Variants in TMEFF2 observed in about 807,000 individuals in gnomAD.
TMEFF2 encodes tomoregulin-2.
TMEFF2 carries 28 observed loss-of-function variants against 53.8 expected under a neutral mutation model. The ratio of observed to expected loss-of-function variants is 0.52; its 90% CI spans 0.39 to 0.71. The LOEUF (loss-of-function observed/expected upper bound fraction) is 0.71. Ranked by LOEUF, TMEFF2 falls within the 30% of genes least tolerant of loss-of-function variation. The pLI, the probability that TMEFF2 is intolerant of heterozygous loss-of-function variation, is 0.00. For missense variants in TMEFF2, 353 were observed against 455.2 expected (o/e 0.78, Z 2.04); for synonymous variants, 162 against 166.3 (o/e 0.97, Z 0.20).
At chr2:192,087,176 C>A (rs1384449296) in intron 4 of TMEFF2, among the ~76,000 whole-genome samples, 1 of 151,848 alleles carries the variant, frequency 6.6e-6, no homozygotes, top group Non-Finnish European at 1.5e-5. Flanking sequence ...TTTGTCTGTT[C>A]ATTCAGAAAA....
chr2:192,079,017 C>T (rs923419412), intron 4 of TMEFF2, among the ~76,000 whole-genome samples: 4 of 152,174 alleles, frequency 2.6e-5, no homozygotes, highest in Non-Finnish European at 4.4e-5. Flanking sequence ...CATCCCAGAT[C>T]TCACATTAAG....
intron 4 of TMEFF2, chr2:192,177,896 C>A (rs1691089872): frequency 6.6e-6 from 1 of 150,756 alleles, no homozygotes; most frequent in Admixed American, 6.6e-5. Context: ...TTTGCATGTG[C>A]TAATAACAAT....
intron 4 of TMEFF2, among the ~76,000 whole-genome samples, chr2:192,151,253 G>A (rs1690380655): frequency 6.6e-6 from 1 of 151,806 alleles, no homozygotes; most frequent in Admixed American, 6.6e-5. Flanking sequence ...CCTGTCTCAA[G>A]TATGTCTTTA....
chr2:192,184,339 A>G lies in TMEFF2; in HGVS notation c.412+15T>C. ...GAATCCATGCAGAAGGTTTCAAAGA[A>G]GATCACACACATACCTGTGGCACAT... On this transcript the variant is annotated intron_variant, in intron 3 of 9. Transcript: ENST00000272771. 2.5e-6 allele frequency: 4 copies of G among 1,612,400 alleles called. No homozygotes were observed. Among genetic ancestry groups the G allele is most frequent in the Non-Finnish European group, 3.4e-6 (4 of 1,178,994 alleles).
intron 7 of TMEFF2, among the ~76,000 whole-genome samples, chr2:191,996,489 T>C (rs563430468): frequency 6.6e-6 from 1 of 152,006 alleles, no homozygotes; most frequent in Non-Finnish European, 1.5e-5. Flanking sequence ...ATATATACAA[T>C]TTAAATTTGT....
At chr2:192,020,958 C>T (rs1008385842) in intron 5 of TMEFF2, among the ~76,000 whole-genome samples, 5 of 152,052 alleles carry the variant, frequency 3.3e-5, no homozygotes, top group Non-Finnish European at 5.9e-5. Context: ...AACTTTTGTT[C>T]CATTTTAAAG....
intron 4 of TMEFF2, among the ~76,000 whole-genome samples, 154 bp from the exon 5 acceptor site, chr2:192,057,929 T>A (rs1401377018): frequency 6.6e-6 from 1 of 152,232 alleles, no homozygotes; most frequent in East Asian, 1.9e-4. Flanking sequence ...TTTTTTTTCC[T>A]CCAATTTAAA....
At chr2:192,182,262 A>G (rs1266402972) in intron 3 of TMEFF2, among the ~76,000 whole-genome samples, 1 of 151,980 alleles carries the variant, frequency 6.6e-6, no homozygotes, top group Non-Finnish European at 1.5e-5. Context: ...TATACAAAGA[A>G]AAGAATGAGA....
intron 4 of TMEFF2, among the ~76,000 whole-genome samples, chr2:192,144,800 T>C (rs1257500533): frequency 2.6e-5 from 4 of 152,030 alleles, no homozygotes; most frequent in Non-Finnish European, 5.9e-5. Flanking sequence ...TGGTTTAACA[T>C]ACAAAGTTAC....
intron 5 of TMEFF2, chr2:192,029,071 T>C (rs944228744): frequency 2.0e-5 from 3 of 152,142 alleles, no homozygotes; most frequent in African/African-American, 7.2e-5. Context: ...CTATGTTGCT[T>C]CCAAGACTAG....
chr2:192,093,836 AAAG>A (rs1414103072), intron 4 of TMEFF2, among the ~76,000 whole-genome samples: 1 of 152,122 alleles, frequency 6.6e-6, no homozygotes, highest in African/African-American at 2.4e-5. Context: ...AAAAAAAGAA[AAAG>A]AAGAGGGAAA....
At chr2:192,127,289 A>C (rs1689699781) in intron 4 of TMEFF2, among the ~76,000 whole-genome samples, 1 of 152,228 alleles carries the variant, frequency 6.6e-6, no homozygotes, top group South Asian at 2.1e-4. Context: ...CAGAAAGCCA[A>C]ATATTGACTA....
intron 2 of TMEFF2, among the ~76,000 whole-genome samples, chr2:192,191,261 A>C (rs1204937427): frequency 6.6e-6 from 1 of 152,148 alleles, no homozygotes; most frequent in Non-Finnish European, 1.5e-5. Flanking sequence ...GAAAAAGTAC[A>C]TTTCCTGATG....
chr2:192,032,893 G>A (rs1215678766), intron 5 of TMEFF2, among the ~76,000 whole-genome samples: 7 of 152,118 alleles, frequency 4.6e-5, no homozygotes. Flanking sequence ...AAATAAACCT[G>A]TTGTTTTTTT....
chr2:192,094,242 C>A (rs1312382664), intron 4 of TMEFF2, among the ~76,000 whole-genome samples: 5 of 152,144 alleles, frequency 3.3e-5, no homozygotes, highest in South Asian at 2.1e-4. Context: ...TTGTGGCTTA[C>A]AACACAGATA....
rs182269397 is a variant in TMEFF2 at position 192,031,634 on chromosome 2, G to A, written c.536+26045C>T. On this transcript the variant is annotated intron_variant, in intron 5 of 9. Transcript: ENST00000272771. ...TACTGTTGTCTCTCCCACTTTACAG[G>A]TAGAGAGGCTGAGGTTCAGAGAGAT... is the stretch of plus-strand genomic sequence containing the variant. 7 of 152,290 alleles carry A rather than the reference G, an allele frequency of 4.6e-5. No individual in the cohort carries two copies. The East Asian group carries it at 5.8e-4, about 13-fold the overall frequency. 9.4% of individuals were successfully genotyped at this position (152,290 alleles called of 1,614,324 possible).
intron 7 of TMEFF2, among the ~76,000 whole-genome samples, chr2:191,969,131 GTGTGTATCTA>G (rs1692553432): frequency 1.9e-5 from 2 of 103,642 alleles, no homozygotes; most frequent in Admixed American, 1.1e-4. Context: ...GTGTATGTGT[GTGTGTATCTA>G]TGTGTGTGTG....
At chr2:192,019,595 T>C (rs1335757985) in intron 5 of TMEFF2, among the ~76,000 whole-genome samples, 3 of 152,022 alleles carry the variant, frequency 2.0e-5, no homozygotes, top group Non-Finnish European at 4.4e-5. Context: ...TCTGAAATGA[T>C]GATTATAACA....
chr2:192,053,233 C>G (rs911452227), intron 5 of TMEFF2, among the ~76,000 whole-genome samples: 2 of 152,048 alleles, frequency 1.3e-5, no homozygotes, highest in Non-Finnish European at 2.9e-5. Context: ...TTCTCCTTCT[C>G]TTTCCCCTAT....
Sources: allele counts gnomAD v4.1 joint callset (sites outside exome capture counted in the v4.1 genomes callset), GRCh38; gene constraint gnomAD v4.1.1; transcripts MANE v1.5; gene names NCBI Gene and HGNC (gene_info 2026-07-23, HGNC 2026-07-21).